Variants in TBC1D8 observed in about 807,000 individuals in gnomAD.
TBC1D8 encodes the protein BUB2-like protein 1.
In TBC1D8, 65 loss-of-function variants were observed where a neutral mutation model predicts 118.8. The ratio of observed to expected loss-of-function variants is 0.55; its 90% CI spans 0.45 to 0.67. TBC1D8 has a LOEUF of 0.67. TBC1D8 is among the 30% of genes least tolerant of loss of function. The pLI, the probability that TBC1D8 is intolerant of heterozygous loss-of-function variation, is 0.00. For synonymous variants in TBC1D8, 566 were observed against 595.8 expected (o/e 0.95, Z 0.73); for missense variants, 1,376 against 1,471.2 (o/e 0.94, Z 1.06).
Position 101,151,360 on chromosome 2 carries a change from GC to G in TBC1D8, c.-108del. 1 of 1,034,390 alleles carries G rather than the reference GC, an allele frequency of 9.7e-7. No individual in the cohort carries two copies. The allele number at this position is 1,034,390 out of a possible 1,614,324, so 64.1% of individuals were successfully genotyped here. ...GCGACGGCGGCGCGCGGGGACCACA[GC>G]CCGGCCGGTGCCCAGCGCTCTGAGA... On this transcript the variant is annotated 5_prime_UTR_variant, in exon 1 of 20. Coordinates refer to ENST00000409318, the MANE Select transcript of TBC1D8 (RefSeq NM_001330348.2).
At chr2:101,023,137 TTTTG>T (rs577417761) in intron 15 of TBC1D8, among the ~76,000 whole-genome samples, 99 of 148,066 alleles carry the variant, frequency 6.7e-4, no homozygotes, top group African/African-American at 2.1e-3. Flanking sequence ...AGAGCGTTTT[TTTTG>T]TTTGTTTGTT....
At chr2:101,147,365 A>C (rs143026897) in intron 1 of TBC1D8, among the ~76,000 whole-genome samples, 135 of 152,208 alleles carry the variant, frequency 8.9e-4, no homozygotes, top group African/African-American at 2.9e-3. Context: ...CAGCAGCTAC[A>C]TTTTCAGTTT....
In TBC1D8 at chr2:101,095,604, G is replaced by A. The variant is rs370150795; in HGVS notation, c.128-5240C>T. On this transcript the variant is annotated intron_variant, in intron 1 of 19. Transcript: ENST00000409318. Reference sequence around the variant, plus strand: ...AACTCATCATTTTTTATGGCTGCATGGTATTCCATGGTGTATATGTGCCAC... The same window carrying A: ...AACTCATCATTTTTTATGGCTGCATAGTATTCCATGGTGTATATGTGCCAC... Among the ~76,000 whole-genome samples, 12 of 151,908 alleles carry A rather than the reference G, an allele frequency of 7.9e-5. 1 individual carries two copies. Among genetic ancestry groups the A allele is most frequent in the East Asian group, 3.9e-4 (2 of 5,164 alleles).
chr2:101,099,474 A>C (rs1676683200), intron 1 of TBC1D8, among the ~76,000 whole-genome samples: 1 of 152,218 alleles, frequency 6.6e-6, no homozygotes, highest in African/African-American at 2.4e-5. Flanking sequence ...TATTCCAAAC[A>C]ATTGAAAAGG....
At chr2:101,140,755 T>G (rs2104277583) in intron 1 of TBC1D8, among the ~76,000 whole-genome samples, 1 of 144,402 alleles carries the variant, frequency 6.9e-6, no homozygotes, top group Non-Finnish European at 1.5e-5. Context: ...ACATCTATAT[T>G]ACTACTTTTT....
chr2:101,085,547 T>C (rs1197050198), intron 2 of TBC1D8, among the ~76,000 whole-genome samples: 6 of 152,088 alleles, frequency 3.9e-5, no homozygotes, highest in Non-Finnish European at 7.4e-5. Flanking sequence ...TTAGCGCCAA[T>C]ATAACGTCCG....
At chr2:101,131,521 A>G (rs776044974) in intron 1 of TBC1D8, among the ~76,000 whole-genome samples, 7 of 151,906 alleles carry the variant, frequency 4.6e-5, no homozygotes, top group Non-Finnish European at 8.8e-5. Flanking sequence ...TTCAAAAAAA[A>G]AACAAGGTTC....
chr2:101,128,534 T>C (rs1389566818), intron 1 of TBC1D8, among the ~76,000 whole-genome samples: 2 of 152,132 alleles, frequency 1.3e-5, no homozygotes, highest in Non-Finnish European at 2.9e-5. Flanking sequence ...AAGTCTAGGA[T>C]TGTCTCAAAA....
intron 5 of TBC1D8, among the ~76,000 whole-genome samples, chr2:101,043,242 C>A (rs1053059152): frequency 1.3e-5 from 2 of 152,162 alleles, no homozygotes; most frequent in African/African-American, 4.8e-5. Context: ...TGGGAGAACA[C>A]AGGAAAAGCA....
intron 2 of TBC1D8, among the ~76,000 whole-genome samples, chr2:101,086,586 G>A (rs577516199): frequency 3.4e-4 from 52 of 150,838 alleles, no homozygotes; most frequent in African/African-American, 1.1e-3. Context: ...AAAAACAATC[G>A]GTGCTGCCTG....
chr2:101,100,784 C>T (rs767893940), intron 1 of TBC1D8, among the ~76,000 whole-genome samples: 2 of 152,012 alleles, frequency 1.3e-5, no homozygotes, highest in African/African-American at 2.4e-5. Context: ...AATAAGCAAT[C>T]GGGAAAGGAT....
At chr2:101,008,308 C>A (rs750170218) in intron 19 of TBC1D8, 35 bp from the exon 20 acceptor site, 2 of 1,469,318 alleles carry the variant, frequency 1.4e-6, no homozygotes, top group East Asian at 2.3e-5. Flanking sequence ...AGCAGCAGAA[C>A]CAGGGTGGAA....
chr2:101,149,956 T>C (rs1053134890), intron 1 of TBC1D8, among the ~76,000 whole-genome samples: 1 of 152,132 alleles, frequency 6.6e-6, no homozygotes, highest in Non-Finnish European at 1.5e-5. Context: ...CTCTGCCCCT[T>C]CCATGGGGAA....
chr2:101,033,513 C>T, intron 10 of TBC1D8, 31 bp downstream of exon 10: 1 of 1,612,842 alleles, frequency 6.2e-7, no homozygotes, highest in South Asian at 1.1e-5. Flanking sequence ...CAACTAAAGA[C>T]TCTCTGCGCC....
intron 11 of TBC1D8, 93 bp downstream of exon 11, chr2:101,032,173 TGA>T: frequency 2.5e-6 from 3 of 1,188,704 alleles, no homozygotes; most frequent in South Asian, 1.4e-5. Flanking sequence ...TGAGTGGCAC[TGA>T]GAGATTTTAT....
chr2:101,050,668 A>G (rs1682014352), intron 4 of TBC1D8, 27 bp from the exon 5 acceptor site: 1 of 1,601,640 alleles, frequency 6.2e-7, no homozygotes, highest in Non-Finnish European at 8.5e-7. Context: ...TGAAATACCT[A>G]TTATGCCATG....
At chr2:101,027,568 C>T in intron 14 of TBC1D8, 117 bp from the exon 15 acceptor site, 2 of 845,174 alleles carry the variant, frequency 2.4e-6, no homozygotes, top group Admixed American at 2.1e-5. Flanking sequence ...ACCAGCTTCT[C>T]TCCCACAAAG....
chr2:101,134,127 G>A (rs1176161946), intron 1 of TBC1D8, among the ~76,000 whole-genome samples: 1 of 151,758 alleles, frequency 6.6e-6, no homozygotes, highest in Non-Finnish European at 1.5e-5. Context: ...GAATTTGGAG[G>A]GGGGACATAA....
chr2:101,048,798 C>A (rs1231605153), intron 5 of TBC1D8, among the ~76,000 whole-genome samples: 1 of 151,484 alleles, frequency 6.6e-6, no homozygotes, highest in Non-Finnish European at 1.5e-5. Flanking sequence ...TTTGAAGGAA[C>A]TTGGCATGTC....
Sources: gnomAD v4.1 joint callset for allele counts (sites outside exome capture counted in the v4.1 genomes callset) on GRCh38, gnomAD v4.1.1 for gene constraint, MANE v1.5 for transcripts, NCBI Gene and HGNC (gene_info 2026-07-23, HGNC 2026-07-21) for gene names.